The following FSHR variants were observed in gnomAD, a reference collection of about 807,000 sequenced individuals.
FSHR encodes follicle stimulating hormone receptor, also known as follicle-stimulating hormone receptor.
A neutral mutation model predicts 52.1 loss-of-function variants in FSHR; 46 were observed. That is an observed-to-expected ratio of 0.88 (90% CI 0.70 to 1.13). The LOEUF is 1.13. Among genes scored for constraint, FSHR ranks in the 50% most tolerant of loss-of-function variants. FSHR has a pLI of 0.00. For synonymous variants in FSHR, 399 were observed against 309.6 expected (o/e 1.29, Z -3.03); for missense variants, 964 against 834.6 (o/e 1.16, Z -1.91).
chr2:49,062,212 T>A (rs1245093156), intron 2 of FSHR, among the ~76,000 whole-genome samples: 1 of 152,014 alleles, frequency 6.6e-6, no homozygotes, highest in Non-Finnish European at 1.5e-5. Flanking sequence ...CGTGCTATGG[T>A]CATAAAAACC....
intron 1 of FSHR, among the ~76,000 whole-genome samples, chr2:49,081,704 T>C (rs1449732250): frequency 1.3e-5 from 2 of 152,218 alleles, no homozygotes; most frequent in East Asian, 3.9e-4. Flanking sequence ...TAATGTTTCT[T>C]ACATGATAAA....
At chr2:49,022,764 G>A (rs139289760) in intron 2 of FSHR, among the ~76,000 whole-genome samples, 405 of 152,260 alleles carry the variant, frequency 2.7e-3, no homozygotes, top group Non-Finnish European at 4.6e-3. Context: ...GAGATCATTT[G>A]TCAAGTCTTT....
At chr2:49,046,833 AAC>A (rs1668678650) in intron 2 of FSHR, among the ~76,000 whole-genome samples, 1 of 152,178 alleles carries the variant, frequency 6.6e-6, no homozygotes, top group Non-Finnish European at 1.5e-5. Context: ...GAACAGAACA[AAC>A]ACAACAGCAT....
At chr2:48,989,566 C>G (rs987985028) in intron 5 of FSHR, among the ~76,000 whole-genome samples, 1 of 152,128 alleles carries the variant, frequency 6.6e-6, no homozygotes, top group Non-Finnish European at 1.5e-5. Flanking sequence ...GAGCCACTGG[C>G]CACTGTGCAT....
At chr2:48,975,935 G>A (rs1043332029) in intron 8 of FSHR, among the ~76,000 whole-genome samples, 5 of 152,000 alleles carry the variant, frequency 3.3e-5, no homozygotes, top group African/African-American at 9.7e-5. Context: ...ATCCGCAAAC[G>A]GACAATCTGA....
chr2:48,974,506 A>T (rs1674894924), intron 8 of FSHR, among the ~76,000 whole-genome samples: 1 of 152,202 alleles, frequency 6.6e-6, no homozygotes, highest in Non-Finnish European at 1.5e-5. Context: ...TCATTGGTGG[A>T]TGTTGAAGGA....
intron 2 of FSHR, among the ~76,000 whole-genome samples, chr2:49,067,690 GT>G: frequency 6.6e-6 from 1 of 152,158 alleles, no homozygotes; most frequent in African/African-American, 2.4e-5. Flanking sequence ...TGAACTGAAT[GT>G]TTGCAGTAAC....
intron 8 of FSHR, among the ~76,000 whole-genome samples, chr2:48,981,431 T>G (rs1356273241): frequency 6.6e-6 from 1 of 152,092 alleles, no homozygotes; most frequent in African/African-American, 2.4e-5. Flanking sequence ...TATTAGGAAA[T>G]AGGTATTGTT....
chr2:49,151,103 A>C (rs1673043894), intron 1 of FSHR, among the ~76,000 whole-genome samples: 1 of 150,776 alleles, frequency 6.6e-6, no homozygotes, highest in South Asian at 2.1e-4. Flanking sequence ...GGTATAGCCC[A>C]TAAAGCTGAC....
At chr2:49,082,621 C>G (rs1212199522) in intron 1 of FSHR, among the ~76,000 whole-genome samples, 1 of 151,860 alleles carries the variant, frequency 6.6e-6, no homozygotes, top group African/African-American at 2.4e-5. Context: ...GAATGTATAA[C>G]TAGATAACCA....
At chr2:49,093,632 T>A (rs1265723315) in intron 1 of FSHR, among the ~76,000 whole-genome samples, 3 of 150,496 alleles carry the variant, frequency 2.0e-5, no homozygotes, top group Non-Finnish European at 4.4e-5. Context: ...TCTTGCTCTG[T>A]CTCCCAGGCT....
At chr2:49,017,201 C>A (rs150479738) in intron 4 of FSHR, among the ~76,000 whole-genome samples, 56 of 152,314 alleles carry the variant, frequency 3.7e-4, no homozygotes, top group African/African-American at 1.3e-3. Context: ...ATCTCATTAA[C>A]ACTAAATTAT....
chr2:49,088,978 C>T (rs573547557), intron 1 of FSHR, among the ~76,000 whole-genome samples: 3 of 151,882 alleles, frequency 2.0e-5, no homozygotes, highest in Admixed American at 6.6e-5. Flanking sequence ...ATGCAAATGT[C>T]GAACGTTCAA....
chr2:49,022,954 G>C (rs1294075504), intron 2 of FSHR, among the ~76,000 whole-genome samples: 1 of 152,116 alleles, frequency 6.6e-6, no homozygotes, highest in East Asian at 1.9e-4. Context: ...GTCTTGACTG[G>C]GGCCTGAGGT....
intron 2 of FSHR, among the ~76,000 whole-genome samples, chr2:49,058,101 C>G (rs1377625653): frequency 6.6e-6 from 1 of 152,146 alleles, no homozygotes; most frequent in African/African-American, 2.4e-5. Flanking sequence ...TCTCTAACAA[C>G]TGGAATGTTA....
At chr2:49,151,673 T>C (rs1041610997) in intron 1 of FSHR, among the ~76,000 whole-genome samples, 1 of 152,128 alleles carries the variant, frequency 6.6e-6, no homozygotes, top group Admixed American at 6.6e-5. Flanking sequence ...TTGCAGTCAA[T>C]GAAGTCCAAT....
chr2:49,017,389 T>A, intron 4 of FSHR, 100 bp downstream of exon 4: 1 of 888,558 alleles, frequency 1.1e-6, no homozygotes, highest in South Asian at 1.5e-5. Flanking sequence ...CCATCCTTGA[T>A]CAAAAGTAAT....
At chr2:49,095,331 T>C (rs1363018683) in intron 1 of FSHR, among the ~76,000 whole-genome samples, 2 of 152,226 alleles carry the variant, frequency 1.3e-5, no homozygotes, top group East Asian at 1.9e-4. Context: ...CATCCACTTA[T>C]GGGTAACTGA....
chr2:49,133,701 G>C (rs1404645425), intron 1 of FSHR, among the ~76,000 whole-genome samples: 1 of 152,098 alleles, frequency 6.6e-6, no homozygotes, highest in Non-Finnish European at 1.5e-5. Context: ...AAACAGCACG[G>C]TACTGATACC....
Sources: allele counts gnomAD v4.1 joint callset (sites outside exome capture counted in the v4.1 genomes callset), GRCh38; gene constraint gnomAD v4.1.1; transcripts MANE v1.5; gene names NCBI Gene and HGNC (gene_info 2026-07-23, HGNC 2026-07-21).